The following CCDC126 variants were observed in gnomAD, a reference collection of about 807,000 sequenced individuals.
The protein encoded by CCDC126 is coiled-coil domain-containing protein 126.
CCDC126 carries 5 observed loss-of-function variants against 11.7 expected under a neutral mutation model. The observed-to-expected ratio is 0.43, with a 90% confidence interval of 0.22 to 0.90. The LOEUF is 0.90. Among genes scored for constraint, CCDC126 ranks in the 40% least tolerant of loss-of-function variants. The probability of loss-of-function intolerance (pLI) is 0.27; values close to 1 mark genes in which losing one functional copy is unlikely to be tolerated. For missense variants in CCDC126, 150 were observed against 163.1 expected, an observed-to-expected ratio of 0.92 and a Z score of 0.44; for synonymous variants, 60 against 61.9, an observed-to-expected ratio of 0.97 and a Z score of 0.14.
intron 3 of CCDC126, among the ~76,000 whole-genome samples, chr7:23,638,739 A>C (rs1377117542): frequency 1.4e-5 from 2 of 140,038 alleles, no homozygotes; most frequent in South Asian, 2.2e-4. Context: ...AAAAAAAAAA[A>C]AAAAAAACCA....
At chr7:23,628,364 C>T (rs1028925920) in intron 3 of CCDC126, among the ~76,000 whole-genome samples, 2 of 152,078 alleles carry the variant, frequency 1.3e-5, no homozygotes, top group Non-Finnish European at 2.9e-5. Context: ...AAGTCAGCAA[C>T]CTAGATACTG....
intron 3 of CCDC126, among the ~76,000 whole-genome samples, chr7:23,614,661 C>T (rs975373395): frequency 1.3e-5 from 2 of 152,192 alleles, no homozygotes; most frequent in Non-Finnish European, 2.9e-5. Flanking sequence ...GTCCAAATGA[C>T]TCCTTTATCG....
At chr7:23,602,031 A>C (rs936905357) in intron 2 of CCDC126, 2 of 152,184 alleles carry the variant, frequency 1.3e-5, no homozygotes, top group Non-Finnish European at 2.9e-5. Flanking sequence ...AGACAAGCAC[A>C]TATCTTTATG....
chr7:23,606,232 G>A (rs889660766), intron 2 of CCDC126, among the ~76,000 whole-genome samples: 2 of 151,862 alleles, frequency 1.3e-5, no homozygotes, highest in South Asian at 4.1e-4. Flanking sequence ...CTAATTTTTT[G>A]TATTTTTAGT....
At chr7:23,599,827 C>G (rs1163697048) in intron 2 of CCDC126, among the ~76,000 whole-genome samples, 1 of 152,178 alleles carries the variant, frequency 6.6e-6, no homozygotes, top group Non-Finnish European at 1.5e-5. Flanking sequence ...CTCTTTCACT[C>G]AGCTTGGAGT....
rs190119559 is a variant in CCDC126 at position 23,618,198 on chromosome 7, A to G, written c.238+6645A>G. 1.2e-3 allele frequency among the ~76,000 whole-genome samples: 185 copies of G among 152,344 alleles called. 1 individual carries two copies. The highest frequency in any genetic ancestry group is 4.3e-3 in the African/African-American group (180 of 41,582). On this transcript the variant is annotated intron_variant, in intron 3 of 3. Coordinates refer to ENST00000307471, the MANE Select transcript of CCDC126 (RefSeq NM_138771.4). ...GGGAATCTCACCTGAACTTCAATGTACAGTTGTATTGGGGTCTCATTATGT... is the reference window on the plus strand; with the variant it reads ...GGGAATCTCACCTGAACTTCAATGTGCAGTTGTATTGGGGTCTCATTATGT...
At chr7:23,614,106 G>C (rs533806894) in intron 3 of CCDC126, among the ~76,000 whole-genome samples, 1 of 152,050 alleles carries the variant, frequency 6.6e-6, no homozygotes, top group Non-Finnish European at 1.5e-5. Flanking sequence ...CACATTGATG[G>C]ACTCTTCATG....
At chr7:23,640,168 G>C (rs56162636) in intron 3 of CCDC126, among the ~76,000 whole-genome samples, 1,610 of 148,552 alleles carry the variant, frequency 0.011, 33 homozygotes, top group African/African-American at 0.038. Context: ...GGGTGACAGA[G>C]TGAGACTCCG....
chr7:23,643,176 C>A lies in CCDC126; in HGVS notation c.*61C>A. Reference sequence around the variant, plus strand: ...TGGATTATATCCTATGGCAGAAAAGCTTTATAATTGCTGGCTTAGGACAGA... The same window carrying A: ...TGGATTATATCCTATGGCAGAAAAGATTTATAATTGCTGGCTTAGGACAGA... On this transcript the variant is annotated 3_prime_UTR_variant, in exon 4 of 4. Coordinates refer to ENST00000307471, the MANE Select transcript of CCDC126 (RefSeq NM_138771.4). 6.9e-7 allele frequency: 1 copy of A among 1,450,736 alleles called. No individual in the cohort carries two copies. The highest frequency in any genetic ancestry group is 9.4e-7 in the Non-Finnish European group (1 of 1,058,630). 89.9% of individuals were successfully genotyped at this position (1,450,736 alleles called of 1,614,324 possible).
chr7:23,644,578 T>C lies in CCDC126; in HGVS notation c.*1463T>C, dbSNP rs1258560979. ...CTTCTCTGTACTGTCTACCTTTATG[T>C]GAAGAAATTAATTATATGCCATTGC... On this transcript the variant is annotated 3_prime_UTR_variant, in exon 4 of 4. Transcript: ENST00000307471. 6.6e-6 allele frequency: 1 copy of C among 152,590 alleles called. No individual in the cohort carries two copies. Among genetic ancestry groups the C allele is most frequent in the Non-Finnish European group, 1.5e-5 (1 of 67,978 alleles). 9.5% of individuals were successfully genotyped at this position (152,590 alleles called of 1,614,324 possible). A position where few individuals can be genotyped will look rare whatever the true frequency, so the allele number is the denominator to read the frequency against.
At chr7:23,626,520 T>TAGA (rs1459979047) in intron 3 of CCDC126, among the ~76,000 whole-genome samples, 57 of 152,288 alleles carry the variant, frequency 3.7e-4, no homozygotes, top group Middle Eastern at 3.4e-3. Context: ...AATATTTATT[T>TAGA]TAGGTTTGGG....
rs537672016 is a variant in CCDC126 at position 23,600,203 on chromosome 7, C to T, written c.-146+2152C>T. Among the ~76,000 whole-genome samples, 82 of 152,246 alleles carry T rather than the reference C, an allele frequency of 5.4e-4. 1 individual carries two copies. Among genetic ancestry groups the T allele is most frequent in the African/African-American group, 1.9e-3 (79 of 41,564 alleles). ...TTCTTTTATCTGTTTTTGTAATATTCAGTGCTATTGTCTTCTATTCTGTCT... is the reference window on the plus strand; with the variant it reads ...TTCTTTTATCTGTTTTTGTAATATTTAGTGCTATTGTCTTCTATTCTGTCT... On this transcript the variant is annotated intron_variant, in intron 2 of 3. Coordinates refer to ENST00000307471, the MANE Select transcript of CCDC126 (RefSeq NM_138771.4).
chr7:23,609,703 C>CA (rs965433200), intron 2 of CCDC126, among the ~76,000 whole-genome samples: 9 of 150,430 alleles, frequency 6.0e-5, no homozygotes, highest in Admixed American at 2.0e-4. Flanking sequence ...CCCTTCTCTA[C>CA]AAAAAAAAAT....
chr7:23,605,990 T>TTGTGTG (rs550719957), intron 2 of CCDC126, among the ~76,000 whole-genome samples: 1 of 150,576 alleles, frequency 6.6e-6, no homozygotes, highest in African/African-American at 2.4e-5. Flanking sequence ...CTGTTTTTTT[T>TTGTGTG]TGTGTGTGTG....
At chr7:23,607,744 C>T (rs907100772) in intron 2 of CCDC126, among the ~76,000 whole-genome samples, 1 of 152,320 alleles carries the variant, frequency 6.6e-6, no homozygotes, top group Non-Finnish European at 1.5e-5. Flanking sequence ...AGGGCCTAGC[C>T]TACCCTGGGG....
chr7:23,622,967 T>TG (rs1562495004), intron 3 of CCDC126: 2 of 143,992 alleles, frequency 1.4e-5, no homozygotes, highest in African/African-American at 6.5e-5. Flanking sequence ...ATATGCTCAC[T>TG]CTTTTTTTTT....
chr7:23,615,889 C>A (rs915396401), intron 3 of CCDC126, among the ~76,000 whole-genome samples: 2 of 152,130 alleles, frequency 1.3e-5, no homozygotes, highest in East Asian at 1.9e-4. Flanking sequence ...ATGGCAGATA[C>A]AAGAATAATG....
intron 2 of CCDC126, among the ~76,000 whole-genome samples, chr7:23,601,221 TA>T (rs1403540499): frequency 1.3e-5 from 2 of 152,110 alleles, no homozygotes; most frequent in South Asian, 2.1e-4. Flanking sequence ...TTGTCGCTGC[TA>T]AAAATAAAAT....
At chr7:23,627,642 A>G (rs896480712) in intron 3 of CCDC126, among the ~76,000 whole-genome samples, 1 of 151,806 alleles carries the variant, frequency 6.6e-6, no homozygotes, top group Non-Finnish European at 1.5e-5. Context: ...TCTGTCACCC[A>G]GGCTGGAGTA....
Sources: allele counts gnomAD v4.1 joint callset (sites outside exome capture counted in the v4.1 genomes callset), GRCh38; gene constraint gnomAD v4.1.1; transcripts MANE v1.5; gene names NCBI Gene and HGNC (gene_info 2026-07-23, HGNC 2026-07-21).